FAM163A: variants seen among roughly 807,000 people sequenced by gnomAD.
FAM163A encodes the protein family with sequence similarity 163 member A.
In FAM163A, 7 loss-of-function variants were observed where a neutral mutation model predicts 12.0. That is an observed-to-expected ratio of 0.58 (90% CI 0.33 to 1.10). The LOEUF is 1.10. Ranked by LOEUF, FAM163A falls within the 50% of genes least tolerant of loss-of-function variation. The pLI is 0.03. For synonymous variants in FAM163A, 101 were observed against 91.0 expected, an observed-to-expected ratio of 1.11 and a Z score of -0.62; for missense variants, 202 against 218.6, an observed-to-expected ratio of 0.92 and a Z score of 0.48.
chr1:179,765,780 G>C (rs1257656099), intron 1 of FAM163A, among the ~76,000 whole-genome samples: 1 of 144,884 alleles, frequency 6.9e-6, no homozygotes, highest in African/African-American at 2.6e-5. Flanking sequence ...TTGCTCTCTT[G>C]AATGGTGGAC....
intron 1 of FAM163A, among the ~76,000 whole-genome samples, chr1:179,803,657 C>T (rs1693507861): frequency 6.6e-6 from 1 of 152,042 alleles, no homozygotes; most frequent in African/African-American, 2.4e-5. Context: ...CAACCTCCAC[C>T]TCCCGGGTTC....
intron 1 of FAM163A, among the ~76,000 whole-genome samples, chr1:179,788,815 G>A (rs1241630374): frequency 6.6e-6 from 1 of 152,212 alleles, no homozygotes; most frequent in East Asian, 1.9e-4. Flanking sequence ...CACCCTGGCT[G>A]TGACTACCTT....
At chr1:179,811,450 C>T (rs985136287) in intron 2 of FAM163A, among the ~76,000 whole-genome samples, 1 of 152,178 alleles carries the variant, frequency 6.6e-6, no homozygotes, top group African/African-American at 2.4e-5. Flanking sequence ...ATGGGCTTGT[C>T]AAACTCTAAT....
intron 1 of FAM163A, among the ~76,000 whole-genome samples, chr1:179,783,187 A>G (rs547894018): frequency 1.4e-3 from 207 of 152,314 alleles, no homozygotes; most frequent in African/African-American, 4.4e-3. Flanking sequence ...CAGAATGCCA[A>G]ACTGTACAGA....
chr1:179,800,001 G>C (rs760017993), intron 1 of FAM163A, among the ~76,000 whole-genome samples: 7 of 152,196 alleles, frequency 4.6e-5, no homozygotes, highest in Non-Finnish European at 8.8e-5. Context: ...TGGACAGTGT[G>C]GGGGATGGTG....
the FAM163A span, among the ~76,000 whole-genome samples, chr1:179,730,655 A>C: frequency 6.3e-4 from 96 of 152,350 alleles, no homozygotes; most frequent in African/African-American, 2.3e-3. Context: ...TGGATCTAAA[A>C]CCAGAATCTA....
intron 1 of FAM163A, among the ~76,000 whole-genome samples, chr1:179,789,613 A>G (rs1001685007): frequency 9.9e-5 from 15 of 152,240 alleles, no homozygotes; most frequent in Admixed American, 9.8e-4. Flanking sequence ...TATCTCTTAA[A>G]AGAGAAGGGT....
upstream of FAM163A, among the ~76,000 whole-genome samples, chr1:179,739,343 A>C (rs959712666): frequency 1.3e-5 from 2 of 152,208 alleles, no homozygotes; most frequent in Non-Finnish European, 2.9e-5. Context: ...AAATTTCTCT[A>C]CAAAGTGCAT....
At chr1:179,761,203 T>C (rs1686770842) in intron 1 of FAM163A, among the ~76,000 whole-genome samples, 1 of 152,256 alleles carries the variant, frequency 6.6e-6, no homozygotes, top group South Asian at 2.1e-4. Flanking sequence ...TATCGCAAAA[T>C]GTTAGCTATG....
intron 1 of FAM163A, among the ~76,000 whole-genome samples, chr1:179,797,747 G>A (rs1692546836): frequency 6.6e-6 from 1 of 152,026 alleles, no homozygotes; most frequent in South Asian, 2.1e-4. Flanking sequence ...AGAGGTTGCT[G>A]TTTCCTTAGT....
In FAM163A at chr1:179,814,761, CTG is replaced by C. The variant is rs1399067655; in HGVS notation, c.*574_*575del. ...TGTACGTTGGTTACCATAGCTACTG[CTG>C]TCACTGTAGCTGCTCCCGTAGGGTC... On this transcript the variant is annotated 3_prime_UTR_variant, in exon 5 of 5. Coordinates refer to ENST00000341785, the MANE Select transcript of FAM163A (RefSeq NM_173509.3). 1.9e-5 allele frequency: 3 copies of C among 154,054 alleles called. No homozygotes were observed. Among genetic ancestry groups the C allele is most frequent in the Non-Finnish European group, 2.9e-5 (2 of 69,306 alleles). 9.5% of individuals were successfully genotyped at this position (154,054 alleles called of 1,614,324 possible). A position where few individuals can be genotyped will look rare whatever the true frequency, so the allele number is the denominator to read the frequency against.
At chr1:179,752,281 A>G (rs981429370) in intron 1 of FAM163A, among the ~76,000 whole-genome samples, 2 of 152,178 alleles carry the variant, frequency 1.3e-5, no homozygotes, top group African/African-American at 4.8e-5. Flanking sequence ...ATCTTACATC[A>G]TACACAAAAA....
intron 1 of FAM163A, among the ~76,000 whole-genome samples, chr1:179,789,849 C>T (rs1341559149): frequency 6.6e-6 from 1 of 152,052 alleles, no homozygotes. Flanking sequence ...TACCAAAATC[C>T]ACAAATAAAG....
chr1:179,792,453 C>T (rs550960556), intron 1 of FAM163A, among the ~76,000 whole-genome samples: 1 of 152,176 alleles, frequency 6.6e-6, no homozygotes, highest in South Asian at 2.1e-4. Flanking sequence ...ACTTTGGTCT[C>T]CATATCTTAA....
intron 1 of FAM163A, among the ~76,000 whole-genome samples, chr1:179,804,549 C>T (rs1206870879): frequency 6.6e-6 from 1 of 152,230 alleles, no homozygotes; most frequent in Admixed American, 6.5e-5. Context: ...GACATGGAAT[C>T]AACCTAAATG....
upstream of FAM163A, among the ~76,000 whole-genome samples, chr1:179,738,805 A>G (rs1045653887): frequency 2.0e-5 from 3 of 152,220 alleles, no homozygotes; most frequent in African/African-American, 7.2e-5. Context: ...ATTAATAGAT[A>G]TAGAGGAGAT....
intron 1 of FAM163A, among the ~76,000 whole-genome samples, chr1:179,755,304 G>A (rs1685865209): frequency 6.6e-6 from 1 of 152,154 alleles, no homozygotes; most frequent in Admixed American, 6.5e-5. Context: ...CTGTGAGGGT[G>A]GTCCAGGTGA....
At chr1:179,749,669 T>C (rs1481846923) in intron 1 of FAM163A, among the ~76,000 whole-genome samples, 1 of 150,734 alleles carries the variant, frequency 6.6e-6, no homozygotes, top group Non-Finnish European at 1.5e-5. Context: ...CTGGCCAACA[T>C]GGTGAAACTG....
At chr1:179,799,198 CA>C (rs1692813079) in intron 1 of FAM163A, among the ~76,000 whole-genome samples, 1 of 152,186 alleles carries the variant, frequency 6.6e-6, no homozygotes, top group Non-Finnish European at 1.5e-5. Context: ...GTCTGTTTAG[CA>C]GGCACTGAGC....
Sources: allele counts gnomAD v4.1 joint callset (sites outside exome capture counted in the v4.1 genomes callset), GRCh38; gene constraint gnomAD v4.1.1; transcripts MANE v1.5; gene names NCBI Gene and HGNC (gene_info 2026-07-23, HGNC 2026-07-21).